The following SYNE1 variants were observed in gnomAD, a reference collection of about 807,000 sequenced individuals.
SYNE1 encodes the protein nesprin-1.
Under a neutral mutation model 1,111.0 loss-of-function variants are expected in SYNE1, and 616 were observed. That is an observed-to-expected ratio of 0.55 (90% CI 0.52 to 0.59). SYNE1 has a LOEUF of 0.59. SYNE1 is among the 20% of genes least tolerant of loss of function. The pLI, the probability that SYNE1 is intolerant of heterozygous loss-of-function variation, is 0.00. For missense variants in SYNE1, 10,006 were observed against 10,417.0 expected (o/e 0.96, Z 1.72); for synonymous variants, 3,855 against 3,825.8 (o/e 1.01, Z -0.28).
chr6:152,629,534 G>GA (rs2099693792), intron 2 of SYNE1, among the ~76,000 whole-genome samples: 1 of 115,850 alleles, frequency 8.6e-6, no homozygotes, highest in Non-Finnish European at 1.8e-5. Flanking sequence ...GGGGGGGGGG[G>GA]GGGAGGGGGA....
At chr6:152,559,820 A>T (rs2099389028) in intron 3 of SYNE1, among the ~76,000 whole-genome samples, 1 of 152,196 alleles carries the variant, frequency 6.6e-6, no homozygotes, top group South Asian at 2.1e-4. Flanking sequence ...AAAACAAGAG[A>T]AAACAATCAA....
chr6:152,217,372 G>A (rs1296606653), intron 121 of SYNE1, among the ~76,000 whole-genome samples: 1 of 147,872 alleles, frequency 6.8e-6, no homozygotes, highest in East Asian at 2.0e-4. Flanking sequence ...CTCCAGCCTG[G>A]GCGACAAAGC....
intron 69 of SYNE1, 91 bp downstream of exon 69, chr6:152,353,172 T>C: frequency 6.7e-7 from 1 of 1,497,976 alleles, no homozygotes; most frequent in Non-Finnish European, 9.3e-7. Context: ...ATGGTTGGGA[T>C]GATCACCTGT....
rs2154233106 is a variant in SYNE1 at position 152,442,148 on chromosome 6, T to TCGTGGCCTCGGTCAGGCAGCCCCC, written c.3911_3934dup (p.Gly1304_His1311dup). ...TGTGCTCTCCAGCTTCCGCAGCTCC[T>TCGTGGCCTCGGTCAGGCAGCCCCC]CGTGGCCTCGGTCAGGCAGCCCCCC... On this transcript the variant is annotated inframe_insertion, in exon 31 of 146. Coordinates refer to ENST00000367255, the MANE Select transcript of SYNE1 (RefSeq NM_182961.4). 1.2e-6 allele frequency: 2 copies of TCGTGGCCTCGGTCAGGCAGCCCCC among 1,613,932 alleles called. No individual in the cohort carries two copies. The highest frequency in any genetic ancestry group is 4.5e-5 in the East Asian group (2 of 44,888).
intron 30 of SYNE1, 113 bp downstream of exon 30, chr6:152,444,298 C>T: frequency 1.6e-6 from 2 of 1,216,798 alleles, no homozygotes; most frequent in East Asian, 4.7e-5. Context: ...CTCTTCCTTC[C>T]CATGCCCCCT....
chr6:152,235,482 C>A (rs912258609), intron 110 of SYNE1, among the ~76,000 whole-genome samples: 1 of 152,096 alleles, frequency 6.6e-6, no homozygotes, highest in Non-Finnish European at 1.5e-5. Context: ...CTGCCTCAGC[C>A]TCCTGAGCAG....
chr6:152,211,415 G>T, intron 124 of SYNE1, 79 bp downstream of exon 124: 2 of 1,174,212 alleles, frequency 1.7e-6, no homozygotes, highest in Non-Finnish European at 2.5e-6. Flanking sequence ...TTGGATATAT[G>T]CCCTCCAATC....
chr6:152,353,746 T>C lies in SYNE1; in HGVS notation c.10927-2A>G. The C allele has an allele frequency of 6.2e-7, 1 of 1,613,920 alleles. No homozygotes were observed. The highest frequency in any genetic ancestry group is 8.5e-7 in the Non-Finnish European group (1 of 1,180,030). ...TGCAGTCACTTCTTCGTGCCACTTC[T>C]GAAATGACAAAGTATCGAAGGGAAA... On this transcript the variant is annotated splice_acceptor_variant, in intron 67 of 145. Coordinates refer to ENST00000367255, the MANE Select transcript of SYNE1 (RefSeq NM_182961.4). LOFTEE classifies it high-confidence loss of function.
At chr6:152,537,952 T>G (rs539138498) in intron 4 of SYNE1, among the ~76,000 whole-genome samples, 36 of 152,310 alleles carry the variant, frequency 2.4e-4, no homozygotes, top group African/African-American at 8.2e-4. Context: ...GGTTTGGTTG[T>G]CAGTTTATCT....
At chr6:152,236,993 G>A in intron 108 of SYNE1, 45 bp from the exon 109 acceptor site, 3 of 1,608,758 alleles carry the variant, frequency 1.9e-6, no homozygotes, top group Non-Finnish European at 2.5e-6. Flanking sequence ...ACCCTCATTA[G>A]CGAAAGACAT....
Position 152,440,060 on chromosome 6 carries a change from G to C in SYNE1, c.4149+1070C>G, listed in dbSNP as rs1257669499. Reference sequence around the variant, plus strand: ...GTCTCCGTCAGACTCAAAACCTCAGGTATCAACATTTTCGTCACTCACTCT... The same window carrying C: ...GTCTCCGTCAGACTCAAAACCTCAGCTATCAACATTTTCGTCACTCACTCT... On this transcript the variant is annotated intron_variant, in intron 32 of 145. Transcript: ENST00000367255. 2.0e-5 allele frequency among the ~76,000 whole-genome samples: 3 copies of C among 152,144 alleles called. No homozygotes were observed. The South Asian group carries it at 6.2e-4, about 32-fold the overall frequency.
In SYNE1 at chr6:152,244,534, C is replaced by A; in HGVS notation, c.19692+3G>T. 6.2e-7 allele frequency: 1 copy of A among 1,614,004 alleles called. No homozygotes were observed. The highest frequency in any genetic ancestry group is 8.5e-7 in the Non-Finnish European group (1 of 1,179,906). On this transcript the variant is annotated splice_donor_region_variant and intron_variant, in intron 106 of 145. Coordinates refer to ENST00000367255, the MANE Select transcript of SYNE1 (RefSeq NM_182961.4). ...GCTGAATACTACTGGCTGAAGGCTG[C>A]ACCTGGAGCTTGGAGAGTTCTTGCA...
intron 130 of SYNE1, among the ~76,000 whole-genome samples, chr6:152,165,122 T>C (rs1217122685): frequency 1.3e-5 from 2 of 150,504 alleles, no homozygotes; most frequent in Admixed American, 1.3e-4. Flanking sequence ...GAAGTGATTC[T>C]CAAGCTGGGA....
intron 110 of SYNE1, 93 bp from the exon 111 acceptor site, chr6:152,234,893 G>T: frequency 7.1e-7 from 1 of 1,418,274 alleles, no homozygotes; most frequent in South Asian, 1.2e-5. Flanking sequence ...GTTTTAAAAC[G>T]AGAGGTCTGA....
intron 8 of SYNE1, among the ~76,000 whole-genome samples, chr6:152,509,707 A>G (rs1344975154): frequency 6.6e-6 from 1 of 152,170 alleles, no homozygotes; most frequent in Non-Finnish European, 1.5e-5. Flanking sequence ...AAAAAATGAG[A>G]CCAAAGGGAA....
chr6:152,355,545 G>A (rs1485273863), intron 66 of SYNE1, among the ~76,000 whole-genome samples: 2 of 152,110 alleles, frequency 1.3e-5, no homozygotes, highest in African/African-American at 4.8e-5. Flanking sequence ...GCTCTGAGGT[G>A]CAAATAAATT....
chr6:152,411,008 A>G (rs2098025666), intron 42 of SYNE1, among the ~76,000 whole-genome samples: 1 of 152,252 alleles, frequency 6.6e-6, no homozygotes, highest in East Asian at 1.9e-4. Flanking sequence ...AGTTTGCACA[A>G]CATGATTCAA....
chr6:152,348,363 A>G (rs1372248842), intron 72 of SYNE1, among the ~76,000 whole-genome samples: 1 of 152,130 alleles, frequency 6.6e-6, no homozygotes, highest in Non-Finnish European at 1.5e-5. Flanking sequence ...CTTATAGATG[A>G]CTCAGGGAAG....
Position 152,325,965 on chromosome 6 carries a change from T to G in SYNE1, c.15431A>C (p.Glu5144Ala), listed in dbSNP as rs2096058223. ...SSHEAEEKLS[E>A]HKALVSVVNS... ...ATGGCCCAAAACTCTGACCTTGTGT[T>G]CTGACAATTTTTCTTCCGCTTCATG... is the stretch of plus-strand genomic sequence containing the variant. Residue 5144 changes from glutamate (E) to alanine (A), a missense_variant, in exon 80 of 146, where the codon GAA becomes GCA. This residue lies in a region of SYNE1 where 4,955 missense variants were observed against 5,017.2 expected (regional missense o/e 0.99). Transcript: ENST00000367255. 5 of 1,614,204 alleles carry G rather than the reference T, an allele frequency of 3.1e-6. No homozygotes were observed. The East Asian group carries it at 1.1e-4, about 36-fold the overall frequency.
Sources: allele counts gnomAD v4.1 joint callset (sites outside exome capture counted in the v4.1 genomes callset), GRCh38; gene constraint gnomAD v4.1.1; regional missense constraint gnomAD v4.1.1; transcripts MANE v1.5; gene names NCBI Gene and HGNC (gene_info 2026-07-23, HGNC 2026-07-21).